Variants in PRSS16 observed in about 807,000 individuals in gnomAD.
PRSS16 encodes serine protease 16, also known as thymus-specific serine protease.
Under a neutral mutation model 61.7 loss-of-function variants are expected in PRSS16, and 43 were observed. The ratio of observed to expected loss-of-function variants is 0.70; its 90% confidence interval spans 0.55 to 0.90. The LOEUF is 0.90. Ranked by LOEUF, PRSS16 falls within the 40% of genes least tolerant of loss-of-function variation. The pLI is 0.00. For missense variants in PRSS16, 591 were observed against 659.1 expected (o/e 0.90, Z 1.13); for synonymous variants, 273 against 285.2 (o/e 0.96, Z 0.43).
At chr6:27,250,951 C>T in intron 5 of PRSS16, 91 bp from the exon 6 acceptor site, 2 of 1,581,688 alleles carry the variant, frequency 1.3e-6, no homozygotes, top group Non-Finnish European at 1.7e-6. Context: ...CACAAGAGCC[C>T]GAGATTACAC....
chr6:27,247,771 C>T lies in PRSS16; in HGVS notation c.34C>T (p.Leu12=). The T allele has an allele frequency of 6.3e-7, 1 of 1,595,794 alleles. No homozygotes were observed. Among genetic ancestry groups the T allele is most frequent in the Non-Finnish European group, 8.5e-7 (1 of 1,171,656 alleles). ...AVWLAQWLGP[L]LLVSLWGLLA... Reference sequence around the variant, plus strand: ...CTGGCTTGCCCAGTGGCTGGGCCCTCTGCTCTTGGTTTCCCTCTGGGGACT... The same window carrying T: ...CTGGCTTGCCCAGTGGCTGGGCCCTTTGCTCTTGGTTTCCCTCTGGGGACT... The change falls in exon 1 of 12, where the codon CTG becomes TTG. Residue 12 remains leucine (L), a synonymous_variant. Coordinates refer to ENST00000230582, the MANE Select transcript of PRSS16 (RefSeq NM_005865.4).
rs950266301 is a variant in PRSS16 at position 27,251,366 on chromosome 6, G to A, written c.717+102G>A. ...AAGGGCGAAACCTGCAACGTGGCGG[G>A]GTCTAAGGAAGGTCGGAGCTCGGGG... On this transcript the variant is annotated intron_variant, in intron 7 of 11. Transcript: ENST00000230582. This position sits in a 1 kb window ranked among gnomAD's most constrained non-coding sequence, Gnocchi z 5.6. 4.2e-6 allele frequency: 6 copies of A among 1,414,388 alleles called. No individual in the cohort carries two copies. The highest frequency in any genetic ancestry group is 2.3e-5 in the East Asian group (1 of 42,784). The allele number at this position is 1,414,388 out of a possible 1,614,324, so 87.6% of individuals were successfully genotyped here.
intron 4 of PRSS16, 70 bp from the exon 5 acceptor site, chr6:27,250,613 C>T (rs1398385591): frequency 6.6e-7 from 1 of 1,509,582 alleles, no homozygotes; most frequent in African/African-American, 1.4e-5. Context: ...ATCCGGGTTT[C>T]CCCCAGAATG....
intron 5 of PRSS16, 106 bp downstream of exon 5, chr6:27,250,912 C>A: frequency 6.4e-7 from 1 of 1,554,462 alleles, no homozygotes; most frequent in Admixed American, 1.7e-5. Context: ...CTTCCTCCCG[C>A]GCCCAAAGAA....
intron 9 of PRSS16, chr6:27,253,524 C>T (rs1185281955): frequency 1.1e-5 from 5 of 451,070 alleles, no homozygotes; most frequent in African/African-American, 1.0e-4. Context: ...GTACTCAAAA[C>T]CACAGCTCCT....
intron 4 of PRSS16, 48 bp from the exon 5 acceptor site, chr6:27,250,622 TGGGGAAATCTTCA>T: frequency 6.6e-7 from 1 of 1,513,846 alleles, no homozygotes; most frequent in Non-Finnish European, 8.8e-7. Flanking sequence ...TCCCCCAGAA[TGGGGAAATCTTCA>T]GGGATTCCCA....
Position 27,255,501 on chromosome 6 carries a change from G to A in PRSS16, c.*186G>A. Reference sequence around the variant, plus strand: ...TCCCAACTTAAAGTGCTTTATTGCAGAGAGTTATGGAAATATAAGTGGATG... The same window carrying A: ...TCCCAACTTAAAGTGCTTTATTGCAAAGAGTTATGGAAATATAAGTGGATG... On this transcript the variant is annotated 3_prime_UTR_variant, in exon 12 of 12. Coordinates refer to ENST00000230582, the MANE Select transcript of PRSS16 (RefSeq NM_005865.4). The surrounding 1 kb of genome is among the most constrained non-coding windows in gnomAD (Gnocchi z 4.4). 1 of 587,788 alleles carries A rather than the reference G, an allele frequency of 1.7e-6. No homozygotes were observed. The highest frequency in any genetic ancestry group is 3.0e-6 in the Non-Finnish European group (1 of 332,280). The allele number at this position is 587,788 out of a possible 1,614,324, so 36.4% of individuals were successfully genotyped here. A position where few individuals can be genotyped will look rare whatever the true frequency, so the allele number is the denominator to read the frequency against.
At chr6:27,250,192 C>T (rs1251794958) in intron 4 of PRSS16, among the ~76,000 whole-genome samples, 1 of 152,162 alleles carries the variant, frequency 6.6e-6, no homozygotes, top group Non-Finnish European at 1.5e-5. Context: ...CAACTGCAAG[C>T]CATTCAGAAA....
At chr6:27,253,557 C>G (rs563889819) in intron 9 of PRSS16, 38 of 421,396 alleles carry the variant, frequency 9.0e-5, no homozygotes, top group African/African-American at 7.2e-4. Context: ...GGTAGTGTTG[C>G]CAGATACAAT....
chr6:27,251,695 G>C lies in PRSS16; in HGVS notation c.718-55G>C. On this transcript the variant is annotated intron_variant, in intron 7 of 11. Coordinates refer to ENST00000230582, the MANE Select transcript of PRSS16 (RefSeq NM_005865.4). The surrounding 1 kb of genome is among the most constrained non-coding windows in gnomAD (Gnocchi z 5.6). ...CAAGGAGGACGCAGGTCCTGGGTAG[G>C]GAAAGCCGAGGCCCAGCCTAAGTCT... 3 of 1,545,192 alleles carry C rather than the reference G, an allele frequency of 1.9e-6. No homozygotes were observed.
In PRSS16 at chr6:27,251,347, G is replaced by A; in HGVS notation, c.717+83G>A. On this transcript the variant is annotated intron_variant, in intron 7 of 11. Transcript: ENST00000230582. This position sits in a 1 kb window ranked among gnomAD's most constrained non-coding sequence, Gnocchi z 5.6. ...AGGGAAGAGGAGGCCAGAGAAGGGC[G>A]AAACCTGCAACGTGGCGGGGTCTAA... 1 of 1,475,420 alleles carries A rather than the reference G, an allele frequency of 6.8e-7. No homozygotes were observed. The highest frequency in any genetic ancestry group is 2.2e-5 in the Admixed American group (1 of 44,844). The allele number at this position is 1,475,420 out of a possible 1,614,324, so 91.4% of individuals were successfully genotyped here. A position where few individuals can be genotyped will look rare whatever the true frequency, so the allele number is the denominator to read the frequency against.
chr6:27,251,912 G>C lies in PRSS16; in HGVS notation c.880G>C (p.Gly294Arg). 6.2e-7 allele frequency: 1 copy of C among 1,613,310 alleles called. No individual in the cohort carries two copies. The highest frequency in any genetic ancestry group is 8.5e-7 in the Non-Finnish European group (1 of 1,179,800). The change falls in exon 8 of 12, where the codon GGT (glycine) becomes CGT (arginine). Residue 294 changes from glycine to arginine, a missense_variant. Physicochemically the swap from Gly to Arg is moderately radical, Grantham distance 125. Coordinates refer to ENST00000230582, the MANE Select transcript of PRSS16 (RefSeq NM_005865.4). The surrounding 1 kb of genome is among the most constrained non-coding windows in gnomAD (Gnocchi z 5.6). Reference protein sequence around the residue: ...LLGALQALVGGVVQYDGQTGA... With the variant: ...LLGALQALVGRVVQYDGQTGA... ...GGGGGCGCTGCAGGCACTGGTGGGA[G>C]GTGTAGTGCAGTATGATGGGCAGAC...
At position 27,252,157 on chromosome 6, in the gene PRSS16, A is replaced by T; in HGVS notation, c.1008+117A>T. The T allele has an allele frequency of 8.0e-7, 1 of 1,246,654 alleles. No homozygotes were observed. Among genetic ancestry groups the T allele is most frequent in the Non-Finnish European group, 1.1e-6 (1 of 934,748 alleles). The allele number at this position is 1,246,654 out of a possible 1,614,324, so 77.2% of individuals were successfully genotyped here. ...TCTGAAACTTCGTTTTCTCATCTGT[A>T]AAATGGGGATAACACTTCACAGGGC... On this transcript the variant is annotated intron_variant, in intron 8 of 11. Coordinates refer to ENST00000230582, the MANE Select transcript of PRSS16 (RefSeq NM_005865.4). This position sits in a 1 kb window ranked among gnomAD's most constrained non-coding sequence, Gnocchi z 4.2.
chr6:27,253,482 GA>G (rs1341392034), intron 9 of PRSS16: 1 of 453,538 alleles, frequency 2.2e-6, no homozygotes, highest in East Asian at 7.0e-5. Flanking sequence ...AGCATCCACA[GA>G]GATCCTTGTA....
In PRSS16 at chr6:27,255,165, C is replaced by G; in HGVS notation, c.1476+34C>G. The G allele has an allele frequency of 6.2e-7, 1 of 1,614,028 alleles. No individual in the cohort carries two copies. Among genetic ancestry groups the G allele is most frequent in the Non-Finnish European group, 8.5e-7 (1 of 1,179,954 alleles). ...AAAAAGGCTCTGAATCATTTGCATT[C>G]TCATTTGAATAATCACTTGCATGTT... is the stretch of plus-strand genomic sequence containing the variant. On this transcript the variant is annotated intron_variant, in intron 11 of 11. Coordinates refer to ENST00000230582, the MANE Select transcript of PRSS16 (RefSeq NM_005865.4). This position sits in a 1 kb window ranked among gnomAD's most constrained non-coding sequence, Gnocchi z 4.4.
chr6:27,255,153 A>T lies in PRSS16; in HGVS notation c.1476+22A>T. ...CCAGGTAAGAGAAAAAAGGCTCTGAATCATTTGCATTCTCATTTGAATAAT... is the reference window on the plus strand; with the variant it reads ...CCAGGTAAGAGAAAAAAGGCTCTGATTCATTTGCATTCTCATTTGAATAAT... On this transcript the variant is annotated intron_variant, in intron 11 of 11. Coordinates refer to ENST00000230582, the MANE Select transcript of PRSS16 (RefSeq NM_005865.4). This position sits in a 1 kb window ranked among gnomAD's most constrained non-coding sequence, Gnocchi z 4.4. The T allele has an allele frequency of 6.2e-7, 1 of 1,614,092 alleles. No homozygotes were observed.
intron 5 of PRSS16, 51 bp from the exon 6 acceptor site, chr6:27,250,991 T>C (rs751786453): frequency 1.8e-5 from 29 of 1,602,346 alleles, no homozygotes; most frequent in Non-Finnish European, 2.5e-5. Flanking sequence ...GGCAGAAAGA[T>C]ATGCGATTCC....
chr6:27,251,617 G>GGGCGGGGGCCTAGT lies in PRSS16; in HGVS notation c.718-133_718-132insGGCGGGGGCCTAGT. ...CGGGGGCCTGGGGGCGGGGGCCTGG[G>GGGCGGGGGCCTAGT]CCAAGAGCTAGGTCTGCACCCTCTG... On this transcript the variant is annotated intron_variant, in intron 7 of 11. Coordinates refer to ENST00000230582, the MANE Select transcript of PRSS16 (RefSeq NM_005865.4). The surrounding 1 kb of genome is among the most constrained non-coding windows in gnomAD (Gnocchi z 5.6). 8.2e-7 allele frequency: 1 copy of GGGCGGGGGCCTAGT among 1,215,638 alleles called. No individual in the cohort carries two copies. Among genetic ancestry groups the GGGCGGGGGCCTAGT allele is most frequent in the Non-Finnish European group, 1.1e-6 (1 of 908,358 alleles). 75.3% of individuals were successfully genotyped at this position (1,215,638 alleles called of 1,614,324 possible). A position where few individuals can be genotyped will look rare whatever the true frequency, so the allele number is the denominator to read the frequency against.
Position 27,252,132 on chromosome 6 carries a change from T to C in PRSS16, c.1008+92T>C. The C allele has an allele frequency of 7.3e-7, 1 of 1,363,608 alleles. No individual in the cohort carries two copies. The highest frequency in any genetic ancestry group is 9.6e-7 in the Non-Finnish European group (1 of 1,043,072). The allele number at this position is 1,363,608 out of a possible 1,614,324, so 84.5% of individuals were successfully genotyped here. On this transcript the variant is annotated intron_variant, in intron 8 of 11. Coordinates refer to ENST00000230582, the MANE Select transcript of PRSS16 (RefSeq NM_005865.4). This position sits in a 1 kb window ranked among gnomAD's most constrained non-coding sequence, Gnocchi z 4.2. ...TGATCTTGGGCAAGCGAGAACCTTC[T>C]CTGAAACTTCGTTTTCTCATCTGTA...
Sources: allele counts gnomAD v4.1 joint callset (sites outside exome capture counted in the v4.1 genomes callset), GRCh38; gene constraint gnomAD v4.1.1; non-coding constraint Gnocchi (gnomAD v3.1); transcripts MANE v1.5; gene names NCBI Gene and HGNC (gene_info 2026-07-23, HGNC 2026-07-21).